Variants in CELSR2 observed in about 807,000 individuals in gnomAD.
CELSR2 encodes EGF-like protein 2.
CELSR2 carries 81 observed loss-of-function variants against 251.6 expected under a neutral mutation model. The observed-to-expected ratio is 0.32, with a 90% CI of 0.27 to 0.39. The LOEUF (loss-of-function observed/expected upper bound fraction) is 0.39. Ranked by LOEUF, CELSR2 falls within the 10% of genes least tolerant of loss-of-function variation. CELSR2 has a pLI of 1.00. For synonymous variants in CELSR2, 1,721 were observed against 1,670.5 expected, an observed-to-expected ratio of 1.03 and a Z score of -0.74; for missense variants, 3,365 against 3,947.7, an observed-to-expected ratio of 0.85 and a Z score of 3.96.
rs1395065293 is a variant in CELSR2, at chr1:109,250,213, G to A, written c.134G>A (p.Arg45Gln). The change falls in exon 1 of 34, where the codon CGA (arginine) becomes CAA (glutamine). Residue 45 changes from arginine (R) to glutamine (Q), a missense_variant. Physicochemically the swap from Arg to Gln is conservative, Grantham distance 43. Transcript: ENST00000271332. This position sits in a 1 kb window ranked among gnomAD's most constrained non-coding sequence, Gnocchi z 4.4. ...TGTCGTTCCTTGGGGTCCAGGGGACGAGGCTCTTCGGGGGCCTGCGCCCCC... is the reference window on the plus strand; with the variant it reads ...TGTCGTTCCTTGGGGTCCAGGGGACAAGGCTCTTCGGGGGCCTGCGCCCCC... ...GPCRSLGSRG[R>Q]GSSGACAPMG... is the part of the protein sequence containing the mutation. 5 of 1,601,202 alleles carry A rather than the reference G, an allele frequency of 3.1e-6. No individual in the cohort carries two copies. Among genetic ancestry groups the A allele is most frequent in the Middle Eastern group, 1.7e-4 (1 of 5,960 alleles).
chr1:109,266,305 T>G, intron 15 of CELSR2, 99 bp downstream of exon 15: 1 of 1,413,290 alleles, frequency 7.1e-7, no homozygotes, highest in Non-Finnish European at 9.6e-7. Context: ...GGGACCCCAC[T>G]TTCTGGCCTC....
intron 23 of CELSR2, 29 bp from the exon 24 acceptor site, chr1:109,270,397 C>T (rs757720449): frequency 5.0e-6 from 8 of 1,611,940 alleles, no homozygotes; most frequent in African/African-American, 2.7e-5. Flanking sequence ...GGGCCCCGGT[C>T]GCTGACCTGC....
intron 15 of CELSR2, among the ~76,000 whole-genome samples, chr1:109,266,771 A>ATGCAGTGG (rs1220043760): frequency 6.9e-6 from 1 of 144,698 alleles, no homozygotes; most frequent in East Asian, 2.1e-4. Flanking sequence ...TCAGGCTACA[A>ATGCAGTGG]TGCAGTGGCA....
chr1:109,271,195 C>T, intron 25 of CELSR2, 22 bp from the exon 26 acceptor site: 2 of 1,611,064 alleles, frequency 1.2e-6, no homozygotes, highest in Non-Finnish European at 1.7e-6. Context: ...CTGAGCACCC[C>T]ATGCCCTCTG....
Position 109,252,643 on chromosome 1 carries a change from A to G in CELSR2, c.2564A>G (p.Gln855Arg). The change falls in exon 1 of 34, where the codon CAA (glutamine) becomes CGA (arginine). Residue 855 changes from glutamine to arginine, a missense_variant. Gln to Arg is a conservative substitution (Grantham distance 43). Transcript: ENST00000271332. This position sits in a 1 kb window ranked among gnomAD's most constrained non-coding sequence, Gnocchi z 4.8. ...GLNGRVFYTFQGGDDGDGDFI... is the reference protein window; with the variant it reads ...GLNGRVFYTFRGGDDGDGDFI... Reference sequence around the variant, plus strand: ...AATGGCAGGGTCTTCTACACCTTCCAAGGAGGCGACGATGGAGACGGTGAC... The same window carrying G: ...AATGGCAGGGTCTTCTACACCTTCCGAGGAGGCGACGATGGAGACGGTGAC... 1 of 1,613,824 alleles carries G rather than the reference A, an allele frequency of 6.2e-7. No homozygotes were observed. The highest frequency in any genetic ancestry group is 2.2e-5 in the East Asian group (1 of 44,886).
At position 109,258,428 on chromosome 1, in the gene CELSR2, A is replaced by G. The variant is rs1421214089; in HGVS notation, c.3311-4A>G. On this transcript the variant is annotated splice_polypyrimidine_tract_variant and splice_region_variant and intron_variant, in intron 1 of 33. Transcript: ENST00000271332. Reference sequence around the variant, plus strand: ...CTGGGTCCTGACTGTGTCCCTCTCCACAGACGGCGTACACAGCGTGACCGC... The same window carrying G: ...CTGGGTCCTGACTGTGTCCCTCTCCGCAGACGGCGTACACAGCGTGACCGC... 6.4e-7 allele frequency: 1 copy of G among 1,564,178 alleles called. No individual in the cohort carries two copies. The highest frequency in any genetic ancestry group is 1.2e-5 in the South Asian group (1 of 83,362).
rs370453806 is a variant in CELSR2 at position 109,259,065 on chromosome 1, G to T, written c.3944G>T (p.Arg1315Leu). ...GAGGGCGGCTACACCTGCCTCTGTC[G>T]TGATGGCTACACGGGTGAGCCAAGG... Reference protein sequence around the residue: ...SREGGYTCLCRDGYTGEHCEV... With the variant: ...SREGGYTCLCLDGYTGEHCEV... Residue 1315 changes from arginine (R) to leucine (L), a missense_variant, in exon 2 of 34, where the codon CGT becomes CTT. By Grantham distance (102) the Arg-to-Leu change is moderately radical. Coordinates refer to ENST00000271332, the MANE Select transcript of CELSR2 (RefSeq NM_001408.3). The T allele has an allele frequency of 2.5e-6, 4 of 1,589,034 alleles. No homozygotes were observed. The Admixed American group carries it at 6.8e-5, about 27-fold the overall frequency.
Position 109,274,362 on chromosome 1 carries a change from A to G in CELSR2, c.*313A>G. The G allele has an allele frequency of 2.1e-6, 1 of 480,286 alleles. No homozygotes were observed. Among genetic ancestry groups the G allele is most frequent in the Non-Finnish European group, 3.6e-6 (1 of 280,644 alleles). 29.8% of individuals were successfully genotyped at this position (480,286 alleles called of 1,614,324 possible). On this transcript the variant is annotated 3_prime_UTR_variant, in exon 34 of 34. Coordinates refer to ENST00000271332, the MANE Select transcript of CELSR2 (RefSeq NM_001408.3). ...AAGGATCTCCACTCTTCATGACTTC[A>G]GGGATTCATTTTTTTTATACGCTGG...
At chr1:109,271,780 G>A in intron 28 of CELSR2, 58 bp downstream of exon 28, 2 of 1,590,090 alleles carry the variant, frequency 1.3e-6, no homozygotes, top group Non-Finnish European at 1.7e-6. Flanking sequence ...AGGAGGCCCA[G>A]TGAGCCTGTA....
In CELSR2 at chr1:109,261,189, C is replaced by T. The variant is rs201504001; in HGVS notation, c.4106C>T (p.Thr1369Met). 2.8e-5 allele frequency: 45 copies of T among 1,614,018 alleles called. No individual in the cohort carries two copies. The highest frequency in any genetic ancestry group is 1.7e-4 in the Middle Eastern group (1 of 6,050). ...GAGAAGCCCTACTGCCAGGTGACCACGCGCAGCTTCCCCGCCCACTCCTTC... is the reference window on the plus strand; with the variant it reads ...GAGAAGCCCTACTGCCAGGTGACCATGCGCAGCTTCCCCGCCCACTCCTTC... ...DFEKPYCQVT[T>M]RSFPAHSFIT... The change falls in exon 3 of 34, where the codon ACG becomes ATG. Residue 1369 changes from threonine to methionine, a missense_variant. Thr to Met is a moderately conservative substitution (Grantham distance 81). Transcript: ENST00000271332. This position sits in a 1 kb window ranked among gnomAD's most constrained non-coding sequence, Gnocchi z 4.8.
chr1:109,256,397 C>T (rs1570778977), intron 1 of CELSR2, among the ~76,000 whole-genome samples: 1 of 152,244 alleles, frequency 6.6e-6, no homozygotes, highest in East Asian at 1.9e-4. Context: ...AGTGATGAGG[C>T]TGGAGGGTAG....
In CELSR2 at chr1:109,262,418, C is replaced by T. The variant is rs1656043902; in HGVS notation, c.4518C>T (p.Ala1506=). ...GSVLGNYSCA[A]QGTQGGSKKS... is the part of the protein sequence containing the mutation. ...TCCTGGGCAACTACTCCTGTGCTGC[C>T]CAGGGCACCCAGGGTGGCAGCAAGA... is the stretch of plus-strand genomic sequence containing the variant. Residue 1506 remains alanine, a synonymous_variant, in exon 6 of 34, where the codon GCC becomes GCT. Transcript: ENST00000271332. 6.2e-7 allele frequency: 1 copy of T among 1,614,024 alleles called. No homozygotes were observed. The highest frequency in any genetic ancestry group is 8.5e-7 in the Non-Finnish European group (1 of 1,180,014).
At chr1:109,258,202 C>T (rs1051173444) in intron 1 of CELSR2, among the ~76,000 whole-genome samples, 8 of 152,108 alleles carry the variant, frequency 5.3e-5, no homozygotes. Flanking sequence ...GGTGCACAAA[C>T]ATTAAGAGGT....
rs530954335 is a variant in CELSR2, at chr1:109,264,482, G to C, written c.5318G>C (p.Gly1773Ala). 7 of 1,613,944 alleles carry C rather than the reference G, an allele frequency of 4.3e-6. No individual in the cohort carries two copies. In the South Asian group the frequency reaches 5.5e-5, roughly 13 times the overall value. ...GTGCGGGTGAGCGATACGCCGGAGG[G>C]GGTTAACAGCCTGGATCCCAGCCAT... The part of the protein sequence containing the change: ...QGVRVSDTPE[G>A]VNSLDPSHGE... Residue 1773 changes from glycine (G) to alanine (A), a missense_variant, in exon 11 of 34, where the codon GGG becomes GCG. This residue lies in a region of CELSR2 where 2,093 missense variants were observed against 2,382.8 expected (regional missense o/e 0.88). Transcript: ENST00000271332.
intron 2 of CELSR2, among the ~76,000 whole-genome samples, chr1:109,259,840 G>C (rs891972560): frequency 7.2e-5 from 11 of 152,118 alleles, no homozygotes; most frequent in Non-Finnish European, 1.6e-4. Context: ...TGTCAGCCAA[G>C]GTCTTTACAC....
In CELSR2 at chr1:109,273,255, C is replaced by T. The variant is rs755858041; in HGVS notation, c.8428C>T (p.Arg2810Trp). 6.2e-6 allele frequency: 10 copies of T among 1,611,640 alleles called. No homozygotes were observed. Among genetic ancestry groups the T allele is most frequent in the African/African-American group, 2.7e-5 (2 of 74,948 alleles). Residue 2810 changes from arginine (R) to tryptophan (W), a missense_variant, in exon 32 of 34, where the codon CGG (arginine) becomes TGG (tryptophan). Arg to Trp is a moderately radical substitution (Grantham distance 101, BLOSUM62 -3). This residue lies in a region of CELSR2 where 2,093 missense variants were observed against 2,382.8 expected (regional missense o/e 0.88). Transcript: ENST00000271332. ...ESSGNGAPEERLRENGDALSR... is the reference protein window; with the variant it reads ...ESSGNGAPEEWLRENGDALSR... The stretch of plus-strand genomic sequence containing the variant: ...TAGTGGCAACGGGGCCCCTGAGGAG[C>T]GGCTGCGGGAGAATGGAGATGCCCT...
At position 109,268,949 on chromosome 1, in the gene CELSR2, G is replaced by A. The variant is rs79850681; in HGVS notation, c.6572G>A (p.Arg2191His). The A allele has an allele frequency of 4.0e-4, 646 of 1,613,682 alleles. 7 individuals carry two copies. The East Asian group carries it at 0.011, about 27-fold the overall frequency. ...GAKLPRYEAL[R>H]GEQPPDLETT... is the part of the protein sequence containing the mutation. ...AAGCTGCCCCGCTACGAGGCCCTGCGTGGGGAGCAGCCCCCGGACCTTGAG... is the reference window on the plus strand; with the variant it reads ...AAGCTGCCCCGCTACGAGGCCCTGCATGGGGAGCAGCCCCCGGACCTTGAG... The change falls in exon 19 of 34, where the codon CGT becomes CAT. Residue 2191 changes from arginine (R) to histidine (H), a missense_variant. This residue lies in a region of CELSR2 where 2,093 missense variants were observed against 2,382.8 expected (regional missense o/e 0.88). Transcript: ENST00000271332.
Position 109,251,093 on chromosome 1 carries a change from A to G in CELSR2, c.1014A>G (p.Glu338=). The G allele has an allele frequency of 6.2e-7, 1 of 1,613,384 alleles. No homozygotes were observed. The highest frequency in any genetic ancestry group is 8.5e-7 in the Non-Finnish European group (1 of 1,179,836). ...AGGGGTCTGGGGGCAGCCCCTCTGAAGTCTTTGAGATCGACCCTCGCTCTG... is the reference window on the plus strand; with the variant it reads ...AGGGGTCTGGGGGCAGCCCCTCTGAGGTCTTTGAGATCGACCCTCGCTCTG... ...LLEGSGGSPS[E]VFEIDPRSGV... is the part of the protein sequence containing the mutation. The change falls in exon 1 of 34, where the codon GAA becomes GAG. Residue 338 remains glutamate, a synonymous_variant. Coordinates refer to ENST00000271332, the MANE Select transcript of CELSR2 (RefSeq NM_001408.3). The surrounding 1 kb of genome is among the most constrained non-coding windows in gnomAD (Gnocchi z 4.9).
chr1:109,273,103 T>G (rs1656419832), intron 31 of CELSR2, 63 bp from the exon 32 acceptor site: 2 of 1,595,876 alleles, frequency 1.3e-6, no homozygotes, highest in Non-Finnish European at 1.7e-6. Flanking sequence ...GAAGCAGGAC[T>G]GGGGTGGTGG....
Sources: allele counts gnomAD v4.1 joint callset (sites outside exome capture counted in the v4.1 genomes callset), GRCh38; gene constraint gnomAD v4.1.1; regional missense constraint gnomAD v4.1.1; non-coding constraint Gnocchi (gnomAD v3.1); transcripts MANE v1.5; gene names NCBI Gene and HGNC (gene_info 2026-07-23, HGNC 2026-07-21).